The following TRMT61B variants were observed in gnomAD, a reference collection of about 807,000 sequenced individuals.
TRMT61B encodes tRNA (adenine(58)-N(1))-methyltransferase, mitochondrial.
A neutral mutation model predicts 52.0 loss-of-function variants in TRMT61B; 56 were observed. The ratio of observed to expected loss-of-function variants is 1.08; its 90% CI spans 0.87 to 1.35. The LOEUF is 1.35. TRMT61B is among the 40% of genes most tolerant of loss of function. TRMT61B has a pLI of 0.00. For synonymous variants in TRMT61B, 206 were observed against 220.0 expected, an observed-to-expected ratio of 0.94 and a Z score of 0.56; for missense variants, 650 against 577.9, an observed-to-expected ratio of 1.12 and a Z score of -1.28.
chr2:28,857,468 G>A (rs1345249249), intron 3 of TRMT61B, among the ~76,000 whole-genome samples: 2 of 152,082 alleles, frequency 1.3e-5, no homozygotes, highest in African/African-American at 2.4e-5. Context: ...GCTTTAAAGG[G>A]AGAATAGAGT....
chr2:28,865,671 CCTTT>C (rs1387134447), intron 1 of TRMT61B, among the ~76,000 whole-genome samples: 37 of 110,316 alleles, frequency 3.4e-4, no homozygotes, highest in African/African-American at 1.1e-3. Context: ...TGATGAATTT[CCTTT>C]TTTTTTTTTT....
At chr2:28,860,275 A>AAAAAG in intron 3 of TRMT61B, among the ~76,000 whole-genome samples, 1 of 114,428 alleles carries the variant, frequency 8.7e-6, no homozygotes, top group Non-Finnish European at 1.6e-5. Flanking sequence ...CTGTTGCCAA[A>AAAAAG]AAAAAAAAAA....
intron 3 of TRMT61B, among the ~76,000 whole-genome samples, chr2:28,855,679 C>G (rs1669310396): frequency 1.3e-5 from 2 of 151,832 alleles, no homozygotes; most frequent in Non-Finnish European, 2.9e-5. Context: ...ATTAAACATC[C>G]AAGTCAAGGC....
At position 28,870,244 on chromosome 2, in the gene TRMT61B, G is replaced by C. The variant is rs780085665; in HGVS notation, c.34C>G (p.Leu12Val). 1.2e-6 allele frequency: 2 copies of C among 1,606,840 alleles called. No individual in the cohort carries two copies. The highest frequency in any genetic ancestry group is 2.7e-5 in the African/African-American group (2 of 74,954). Residue 12 changes from leucine to valine, a missense_variant, in exon 1 of 7, where the codon CTG becomes GTG. Coordinates refer to ENST00000306108, the MANE Select transcript of TRMT61B (RefSeq NM_017910.4). ...LMAWCRGPVL[L>V]CLRQGLGTNS... is the part of the protein sequence containing the mutation. ...GTTCCGAGCCCCTGCCGCAGGCACA[G>C]CAAGACAGGACCGCGGCACCATGCC...
chr2:28,863,427 C>A (rs1330789374), intron 2 of TRMT61B, among the ~76,000 whole-genome samples: 1 of 112,972 alleles, frequency 8.9e-6, no homozygotes, highest in Non-Finnish European at 1.8e-5. Context: ...TGAGAACCCG[C>A]CTCAAAAAAA....
intron 1 of TRMT61B, among the ~76,000 whole-genome samples, chr2:28,868,683 G>T (rs1424544045): frequency 6.6e-6 from 1 of 152,246 alleles, no homozygotes; most frequent in Non-Finnish European, 1.5e-5. Flanking sequence ...TGTGACTAAG[G>T]ATTGAAATAA....
chr2:28,857,301 A>G (rs1442446267), intron 3 of TRMT61B, among the ~76,000 whole-genome samples: 2 of 151,794 alleles, frequency 1.3e-5, no homozygotes, highest in African/African-American at 4.8e-5. Context: ...GCTCTTTTGA[A>G]TGTATAATTT....
rs1669218026 is a variant in TRMT61B at position 28,853,644 on chromosome 2, T to C, written c.994-1145A>G. Among the ~76,000 whole-genome samples, 3 of 151,172 alleles carry C rather than the reference T, an allele frequency of 2.0e-5. No individual in the cohort carries two copies. In the South Asian group the frequency reaches 6.6e-4, roughly 33 times the overall value. On this transcript the variant is annotated intron_variant, in intron 3 of 6. Transcript: ENST00000306108. ...TGAGGTCAGGAGTTTGAGAGTAGCCTGGCCAACATGGCAAAACCCTGTCTC... is the reference window on the plus strand; with the variant it reads ...TGAGGTCAGGAGTTTGAGAGTAGCCCGGCCAACATGGCAAAACCCTGTCTC...
At chr2:28,866,076 G>A (rs1295470557) in intron 1 of TRMT61B, among the ~76,000 whole-genome samples, 3 of 151,714 alleles carry the variant, frequency 2.0e-5, no homozygotes, top group Non-Finnish European at 2.9e-5. Context: ...TGCAAGCTCC[G>A]CCTCCTGGGT....
chr2:28,865,230 A>G, intron 1 of TRMT61B, 111 bp from the exon 2 acceptor site: 1 of 614,436 alleles, frequency 1.6e-6, no homozygotes, highest in Non-Finnish European at 2.9e-6. Context: ...AAAACGAATC[A>G]GACTCTGGAC....
chr2:28,852,684 C>T (rs1018287294), intron 3 of TRMT61B, among the ~76,000 whole-genome samples, 185 bp from the exon 4 acceptor site: 1 of 151,942 alleles, frequency 6.6e-6, no homozygotes, highest in Non-Finnish European at 1.5e-5. Flanking sequence ...TACAGTTGGG[C>T]AATGTGGCTT....
rs983308939 is a variant in TRMT61B at position 28,861,295 on chromosome 2, T to A, written c.816A>T (p.Gly272=). ...TTCGTACCTCAAAACTTATGACTCG[T>A]CCTTGTGATCCAACTTAAGTAAAAA... ...LFLSKAVGSQ[G]RVISFEVRKD... is the part of the protein sequence containing the mutation. The change falls in exon 3 of 7, where the codon GGA becomes GGT. Residue 272 remains glycine, a synonymous_variant. Transcript: ENST00000306108. The A allele has an allele frequency of 1.9e-6, 3 of 1,583,204 alleles. No individual in the cohort carries two copies. The highest frequency in any genetic ancestry group is 2.6e-6 in the Non-Finnish European group (3 of 1,170,208).
chr2:28,862,531 G>A (rs1191956613), intron 2 of TRMT61B, among the ~76,000 whole-genome samples: 2 of 150,640 alleles, frequency 1.3e-5, no homozygotes, highest in South Asian at 2.1e-4. Context: ...ACAGGGTTTC[G>A]CCATGTTGCC....
In TRMT61B at chr2:28,858,981, G is replaced by A. The variant is rs191592129; in HGVS notation, c.993+2137C>T. The stretch of plus-strand genomic sequence containing the variant: ...CAAATCTTGGCTCACTGGAACCTCC[G>A]CCTCCCAGGTTCAAGCGATTCTCCT... On this transcript the variant is annotated intron_variant, in intron 3 of 6. Coordinates refer to ENST00000306108, the MANE Select transcript of TRMT61B (RefSeq NM_017910.4). 1.8e-3 allele frequency among the ~76,000 whole-genome samples: 264 copies of A among 148,310 alleles called. 1 individual carries two copies. Among genetic ancestry groups the A allele is most frequent in the Non-Finnish European group, 2.4e-3 (158 of 67,226 alleles).
chr2:28,854,308 A>C (rs1323773182), intron 3 of TRMT61B, among the ~76,000 whole-genome samples: 1 of 152,154 alleles, frequency 6.6e-6, no homozygotes, highest in Non-Finnish European at 1.5e-5. Context: ...GACATGAAGA[A>C]AAACAGTTAT....
intron 2 of TRMT61B, among the ~76,000 whole-genome samples, chr2:28,862,313 A>C (rs561524236): frequency 6.4e-4 from 94 of 145,824 alleles, no homozygotes; most frequent in Non-Finnish European, 1.2e-3. Flanking sequence ...TATCATTTTT[A>C]ATGTAGATTT....
At chr2:28,852,312 CAAAAAAAAA>C (rs575953261) in intron 4 of TRMT61B, 87 bp downstream of exon 4, 24 of 300,106 alleles carry the variant, frequency 8.0e-5, no homozygotes, top group Admixed American at 1.6e-4. Flanking sequence ...TTTTCTGTCT[CAAAAAAAAA>C]AAAAAAAAAA....
chr2:28,859,057 G>A (rs1252114397), intron 3 of TRMT61B, among the ~76,000 whole-genome samples: 1 of 149,304 alleles, frequency 6.7e-6, no homozygotes, highest in Non-Finnish European at 1.5e-5. Context: ...GCCATGCCTG[G>A]CTAATTCTTG....
At chr2:28,859,872 C>G (rs199601360) in intron 3 of TRMT61B, among the ~76,000 whole-genome samples, 2 of 151,996 alleles carry the variant, frequency 1.3e-5, no homozygotes, top group Admixed American at 6.6e-5. Context: ...CTGTAACATG[C>G]AAGCCATAAA....
Sources: gnomAD v4.1 joint callset for allele counts (sites outside exome capture counted in the v4.1 genomes callset) on GRCh38, gnomAD v4.1.1 for gene constraint, MANE v1.5 for transcripts, NCBI Gene and HGNC (gene_info 2026-07-23, HGNC 2026-07-21) for gene names.